MEPE: variants seen among roughly 807,000 people sequenced by gnomAD.
The protein encoded by MEPE is matrix, extracellular phosphoglycoprotein with ASARM motif (bone).
In MEPE, 7 loss-of-function variants were observed where a neutral mutation model predicts 7.3. The ratio of observed to expected loss-of-function variants is 0.95; its 90% CI spans 0.54 to 1.79. The LOEUF (loss-of-function observed/expected upper bound fraction) is 1.79. Ranked by LOEUF, MEPE falls within the 40% of genes most tolerant of loss-of-function variation. The pLI is 0.00. For synonymous variants in MEPE, 214 were observed against 213.1 expected (o/e 1.00, Z -0.04); for missense variants, 623 against 628.2 (o/e 0.99, Z 0.09).
intron 2 of MEPE, among the ~76,000 whole-genome samples, chr4:87,835,750 A>T (rs1578056599): frequency 1.3e-5 from 2 of 152,120 alleles, no homozygotes; most frequent in African/African-American, 4.8e-5. Context: ...GACCTCACTC[A>T]ATCAAGGCCT....
chr4:87,846,363 AAC>A lies in MEPE; in HGVS notation c.1497_1498del (p.Asn499LysfsTer4), dbSNP rs1159363922. On this transcript the variant is annotated frameshift_variant, in exon 4 of 4. Transcript: ENST00000361056. LOFTEE classifies it low-confidence loss of function (END_TRUNC). ...KGSWGRQPHS[N>X]RRFSSRRRDD... Reference sequence around the variant, plus strand: ...CTCCTGGGGTAGACAACCCCATTCCAACAGGAGGTTTAGTTCCCGTAGAAGGG... The same window carrying A: ...CTCCTGGGGTAGACAACCCCATTCCAAGGAGGTTTAGTTCCCGTAGAAGGG... 5 of 1,613,986 alleles carry A rather than the reference AAC, an allele frequency of 3.1e-6. No individual in the cohort carries two copies. The highest frequency in any genetic ancestry group is 4.2e-6 in the Non-Finnish European group (5 of 1,179,978).
At chr4:87,832,019 T>C (rs930652865), upstream of MEPE, among the ~76,000 whole-genome samples, 4 of 152,002 alleles carry the variant, frequency 2.6e-5, no homozygotes, top group Non-Finnish European at 4.4e-5. Context: ...AGCATGTTCA[T>C]TGCCTGACGA....
intron 3 of MEPE, among the ~76,000 whole-genome samples, chr4:87,841,306 C>A (rs1314115727): frequency 6.6e-6 from 1 of 152,058 alleles, no homozygotes; most frequent in African/African-American, 2.4e-5. Context: ...ACATAAATGT[C>A]CAAGTAAAAC....
intron 1 of MEPE, among the ~76,000 whole-genome samples, chr4:87,833,726 C>T (rs1722670496): frequency 6.6e-6 from 1 of 152,104 alleles, no homozygotes; most frequent in Non-Finnish European, 1.5e-5. Flanking sequence ...CTTAAGTGAG[C>T]TCACTAGTTC....
chr4:87,846,340 C>G lies in MEPE; in HGVS notation c.1472C>G (p.Ser491Cys). The G allele has an allele frequency of 6.2e-7, 1 of 1,614,076 alleles. No homozygotes were observed. Residue 491 changes from serine to cysteine, a missense_variant, in exon 4 of 4, where the codon TCC becomes TGC. Coordinates refer to ENST00000361056, the MANE Select transcript of MEPE (RefSeq NM_020203.6). ...AAGGGTATGCCACAAGGGAAAGGCTCCTGGGGTAGACAACCCCATTCCAAC... is the reference window on the plus strand; with the variant it reads ...AAGGGTATGCCACAAGGGAAAGGCTGCTGGGGTAGACAACCCCATTCCAAC... ...RNKGMPQGKG[S>C]WGRQPHSNRR...
At chr4:87,839,697 G>C in intron 3 of MEPE, 1 of 1,549,554 alleles carries the variant, frequency 6.5e-7, no homozygotes, top group Non-Finnish European at 8.7e-7. Flanking sequence ...AACATACAAG[G>C]GTCACTATGA....
rs147232600 is a variant in MEPE at position 87,827,639 on chromosome 4, C to A, written c.-13+6168C>A. Reference sequence around the variant, plus strand: ...TTTGCAGCCACTTCCAGCAATGTCACCATGTCCTGAAGGAAAGGGCTAGCA... The same window carrying A: ...TTTGCAGCCACTTCCAGCAATGTCAACATGTCCTGAAGGAAAGGGCTAGCA... On this transcript the variant is annotated intron_variant, in intron 1 of 3. Coordinates refer to the MEPE transcript ENST00000424957. 3.1e-4 allele frequency among the ~76,000 whole-genome samples: 47 copies of A among 152,258 alleles called. No individual in the cohort carries two copies. The Middle Eastern group carries it at 0.01, about 33-fold the overall frequency.
upstream of MEPE, among the ~76,000 whole-genome samples, chr4:87,829,815 C>T (rs1390253495): frequency 6.7e-6 from 1 of 149,822 alleles, no homozygotes; most frequent in Non-Finnish European, 1.5e-5. Context: ...GCCTTCTTTC[C>T]TTCCTTGACT....
intron 2 of MEPE, among the ~76,000 whole-genome samples, chr4:87,835,027 C>T (rs7674812): frequency 0.068 from 10,346 of 152,212 alleles, 1,185 homozygotes; most frequent in African/African-American, 0.24. Flanking sequence ...AACCAAGAGG[C>T]AGCCGCAGCA....
intron 2 of MEPE, among the ~76,000 whole-genome samples, chr4:87,835,398 C>T (rs1251757334): frequency 6.6e-6 from 1 of 152,174 alleles, no homozygotes; most frequent in Non-Finnish European, 1.5e-5. Flanking sequence ...TGTGAAAATG[C>T]TGAGTGTTAG....
chr4:87,835,839 A>G (rs1722767340), intron 2 of MEPE, among the ~76,000 whole-genome samples: 1 of 152,122 alleles, frequency 6.6e-6, no homozygotes, highest in South Asian at 2.1e-4. Context: ...CCAGCTGAAG[A>G]TTTTATTTTG....
At chr4:87,844,092 G>C (rs982195980) in intron 3 of MEPE, among the ~76,000 whole-genome samples, 8 of 150,896 alleles carry the variant, frequency 5.3e-5, no homozygotes, top group African/African-American at 2.0e-4. Flanking sequence ...TTTGTCCCTA[G>C]TATGTACTCC....
At chr4:87,835,759 C>T (rs1722763501) in intron 2 of MEPE, among the ~76,000 whole-genome samples, 1 of 152,158 alleles carries the variant, frequency 6.6e-6, no homozygotes, top group Non-Finnish European at 1.5e-5. Context: ...CAATCAAGGC[C>T]TAGAGGCTCA....
At chr4:87,835,406 T>C (rs1310173665) in intron 2 of MEPE, among the ~76,000 whole-genome samples, 1 of 152,080 alleles carries the variant, frequency 6.6e-6, no homozygotes, top group Non-Finnish European at 1.5e-5. Flanking sequence ...TGCTGAGTGT[T>C]AGTTATTTTC....
chr4:87,838,485 A>G, intron 2 of MEPE, 147 bp from the exon 3 acceptor site: 1 of 667,432 alleles, frequency 1.5e-6, no homozygotes, highest in South Asian at 2.0e-5. Context: ...TAATGCGATG[A>G]GTGTGTCAAT....
intron 1 of MEPE, among the ~76,000 whole-genome samples, chr4:87,834,077 T>G (rs1278700129): frequency 6.6e-6 from 1 of 152,218 alleles, no homozygotes; most frequent in African/African-American, 2.4e-5. Flanking sequence ...AGGGTTGTTG[T>G]GAGGCTCAAA....
At chr4:87,839,758 A>C (rs1050919741) in intron 3 of MEPE, 1 of 1,550,022 alleles carries the variant, frequency 6.5e-7, no homozygotes, top group African/African-American at 1.4e-5. Flanking sequence ...CCTGAGAAGA[A>C]AAATCAAACT....
At chr4:87,828,485 C>T (rs1005522993), upstream of MEPE, among the ~76,000 whole-genome samples, 3 of 151,872 alleles carry the variant, frequency 2.0e-5, no homozygotes, top group South Asian at 6.2e-4. Flanking sequence ...AAAGGACTTC[C>T]TAGAATACTA....
At position 87,835,680 on chromosome 4, in the gene MEPE, C is replaced by T. The variant is rs1722759704; in HGVS notation, c.54+912C>T. ...ACACACTCTGTGCAACAAGGGTGTGCAGTACAGTACTGTGGAGGCTGTACT... is the reference window on the plus strand; with the variant it reads ...ACACACTCTGTGCAACAAGGGTGTGTAGTACAGTACTGTGGAGGCTGTACT... On this transcript the variant is annotated intron_variant, in intron 2 of 3. Coordinates refer to ENST00000361056, the MANE Select transcript of MEPE (RefSeq NM_020203.6). Among the ~76,000 whole-genome samples the T allele has an allele frequency of 2.0e-5, 3 of 152,070 alleles. No individual in the cohort carries two copies. The South Asian group carries it at 6.2e-4, about 32-fold the overall frequency.
Sources: allele counts gnomAD v4.1 joint callset (sites outside exome capture counted in the v4.1 genomes callset), GRCh38; gene constraint gnomAD v4.1.1; transcripts MANE v1.5; gene names NCBI Gene and HGNC (gene_info 2026-07-23, HGNC 2026-07-21).